The following SEC14L2 variants were observed in gnomAD, a reference collection of about 807,000 sequenced individuals.
SEC14L2 encodes SEC14-like protein 2.
In SEC14L2, 50 loss-of-function variants were observed where a neutral mutation model predicts 56.9. The ratio of observed to expected loss-of-function variants is 0.88; its 90% confidence interval spans 0.70 to 1.11. The LOEUF is 1.11. Among genes scored for constraint, SEC14L2 ranks in the 50% most tolerant of loss-of-function variants. The pLI is 0.00. For missense variants in SEC14L2, 414 were observed against 500.7 expected (o/e 0.83, Z 1.65); for synonymous variants, 179 against 188.5 (o/e 0.95, Z 0.41).
intron 8 of SEC14L2, 151 bp downstream of exon 8, chr22:30,410,830 G>C (rs891403779): frequency 6.0e-6 from 4 of 670,408 alleles, no homozygotes; most frequent in Non-Finnish European, 1.1e-5. Flanking sequence ...GGTGGAGCTA[G>C]TGCCTTCTTC....
intron 1 of SEC14L2, 85 bp from the exon 2 acceptor site, chr22:30,399,558 C>T: frequency 1.3e-6 from 1 of 776,786 alleles, no homozygotes; most frequent in South Asian, 2.3e-5. Flanking sequence ...AAGAGGCGTC[C>T]AGCAAAGATC....
intron 11 of SEC14L2, among the ~76,000 whole-genome samples, chr22:30,417,461 C>A (rs776038180): frequency 5.3e-5 from 8 of 152,186 alleles, no homozygotes; most frequent in Non-Finnish European, 8.8e-5. Context: ...TCAATCAGAG[C>A]AAAGGCTTTA....
In SEC14L2 at chr22:30,422,737, A is replaced by G; in HGVS notation, c.*330A>G. 4.5e-6 allele frequency: 1 copy of G among 223,148 alleles called. No individual in the cohort carries two copies. The highest frequency in any genetic ancestry group is 8.9e-6 in the Non-Finnish European group (1 of 111,844). The allele number at this position is 223,148 out of a possible 1,614,324, so 13.8% of individuals were successfully genotyped here. ...GGGTGGCAGCAGGGAAAAAAATTAG[A>G]AAAGGGTGAAAGATTGGGACTTAAC... On this transcript the variant is annotated 3_prime_UTR_variant, in exon 12 of 12. Transcript: ENST00000615189.
chr22:30,407,080 A>G lies in SEC14L2; in HGVS notation c.175-15A>G, dbSNP rs1160972431. 1.2e-6 allele frequency: 2 copies of G among 1,613,268 alleles called. No individual in the cohort carries two copies. Among genetic ancestry groups the G allele is most frequent in the Non-Finnish European group, 1.7e-6 (2 of 1,179,612 alleles). ...CATCCCTCCTTTTAAAAATTTCCCC[A>G]TTGTATCTTTGTAGCATGTGGAGTT... On this transcript the variant is annotated splice_polypyrimidine_tract_variant and intron_variant, in intron 3 of 11. Coordinates refer to ENST00000615189, the MANE Select transcript of SEC14L2 (RefSeq NM_012429.5).
chr22:30,420,907 G>A (rs1934498772), intron 11 of SEC14L2: 1 of 152,164 alleles, frequency 6.6e-6, no homozygotes, highest in South Asian at 2.1e-4. Flanking sequence ...CTGTTCCTCT[G>A]CCAAAGTGTG....
At chr22:30,417,384 A>AT (rs1211884164) in intron 11 of SEC14L2, among the ~76,000 whole-genome samples, 1 of 152,236 alleles carries the variant, frequency 6.6e-6, no homozygotes, top group Non-Finnish European at 1.5e-5. Context: ...CAGAAAAACC[A>AT]TACCTACACT....
intron 2 of SEC14L2, among the ~76,000 whole-genome samples, chr22:30,401,139 T>C (rs150372492): frequency 0.03 from 4,493 of 151,770 alleles, 119 homozygotes; most frequent in South Asian, 0.11. Flanking sequence ...GCCCAGGCAA[T>C]GGGCATGATC....
chr22:30,397,155 G>A lies in SEC14L2; in HGVS notation c.39G>A (p.Lys13=). 1 of 1,544,894 alleles carries A rather than the reference G, an allele frequency of 6.5e-7. No individual in the cohort carries two copies. Among genetic ancestry groups the A allele is most frequent in the South Asian group, 1.2e-5 (1 of 83,382 alleles). Residue 13 remains lysine, a synonymous_variant, in exon 1 of 12, where the codon AAG becomes AAA. Coordinates refer to ENST00000615189, the MANE Select transcript of SEC14L2 (RefSeq NM_012429.5). ...GRVGDLSPRQ[K]EALAKFRENV... ...TCGGCGATCTGAGCCCCAGGCAGAA[G>A]GAGGCATTGGCCAAGGTGAGCTGTA...
At chr22:30,406,839 G>A (rs1182875645) in intron 3 of SEC14L2, among the ~76,000 whole-genome samples, 2 of 152,082 alleles carry the variant, frequency 1.3e-5, no homozygotes. Context: ...TGCAACCTCC[G>A]CCTCCCGGGT....
chr22:30,414,438 G>A (rs545160668), intron 8 of SEC14L2, among the ~76,000 whole-genome samples: 1 of 152,210 alleles, frequency 6.6e-6, no homozygotes, highest in East Asian at 1.9e-4. Flanking sequence ...ACTCGGGCTG[G>A]TCACTGGAGC....
intron 8 of SEC14L2, among the ~76,000 whole-genome samples, chr22:30,412,840 C>CAAAA (rs1316312304): frequency 8.4e-6 from 1 of 119,176 alleles, no homozygotes. Context: ...AAAAAACAAA[C>CAAAA]AAAAAAACAA....
In SEC14L2 at chr22:30,407,493, C is replaced by T. The variant is rs1482494441; in HGVS notation, c.313C>T (p.Pro105Ser). The T allele has an allele frequency of 6.2e-7, 1 of 1,614,124 alleles. No homozygotes were observed. The highest frequency in any genetic ancestry group is 1.1e-5 in the South Asian group (1 of 91,078). ...GCPVWYDIIGPLDAKGLLFSA... is the reference protein window; with the variant it reads ...GCPVWYDIIGSLDAKGLLFSA... Reference sequence around the variant, plus strand: ...CCCAGTCTGGTACGACATAATTGGACCTCTGGATGCCAAGGGTCTGCTGTT... The same window carrying T: ...CCCAGTCTGGTACGACATAATTGGATCTCTGGATGCCAAGGGTCTGCTGTT... The change falls in exon 5 of 12, where the codon CCT (proline) becomes TCT (serine). Residue 105 changes from proline (P) to serine (S), a missense_variant. Transcript: ENST00000615189.
At position 30,424,828 on chromosome 22, in the gene SEC14L2, C is replaced by T. The variant is rs1032933928; in HGVS notation, c.*2421C>T. The T allele has an allele frequency of 1.1e-5, 5 of 456,544 alleles. No individual in the cohort carries two copies. The highest frequency in any genetic ancestry group is 1.8e-5 in the Non-Finnish European group (4 of 226,954). 28.3% of individuals were successfully genotyped at this position (456,544 alleles called of 1,614,324 possible). Reference sequence around the variant, plus strand: ...CTCACCTGGGTGAACTGAGGTCCAGCGGGGGAAGGCTTCCTCCTGTTGTAA... The same window carrying T: ...CTCACCTGGGTGAACTGAGGTCCAGTGGGGGAAGGCTTCCTCCTGTTGTAA... On this transcript the variant is annotated 3_prime_UTR_variant, in exon 12 of 12. Coordinates refer to ENST00000615189, the MANE Select transcript of SEC14L2 (RefSeq NM_012429.5).
chr22:30,407,407 T>A lies in SEC14L2; in HGVS notation c.235-8T>A, dbSNP rs772746669. 7.9e-5 allele frequency: 127 copies of A among 1,611,092 alleles called. No individual in the cohort carries two copies. Among genetic ancestry groups the A allele is most frequent in the Non-Finnish European group, 9.2e-5 (108 of 1,177,690 alleles). On this transcript the variant is annotated splice_region_variant and splice_polypyrimidine_tract_variant and intron_variant, in intron 4 of 11. Coordinates refer to ENST00000615189, the MANE Select transcript of SEC14L2 (RefSeq NM_012429.5). ...CTGACCAGGTGGCTCCTCTGTGTCT[T>A]TGCCCAGGTGATCCAACAGTATCTG...
In SEC14L2 at chr22:30,416,355, C is replaced by CA. The variant is rs1256737843; in HGVS notation, c.1034dup (p.His345GlnfsTer5). Reference sequence around the variant, plus strand: ...GCTGCCCAACCAGAGGTACAACTCCCACCTGGTCCCTGAAGATGGGACCCT... The same window carrying CA: ...GCTGCCCAACCAGAGGTACAACTCCCAACCTGGTCCCTGAAGATGGGACCCT... On this transcript the variant is annotated frameshift_variant, in exon 11 of 12. Transcript: ENST00000615189. LOFTEE classifies it high-confidence loss of function. The CA allele has an allele frequency of 1.2e-6, 2 of 1,614,236 alleles. No homozygotes were observed. The highest frequency in any genetic ancestry group is 1.7e-6 in the Non-Finnish European group (2 of 1,180,040).
chr22:30,418,977 G>A (rs371304800), intron 11 of SEC14L2, among the ~76,000 whole-genome samples: 6 of 152,278 alleles, frequency 3.9e-5, no homozygotes, highest in Non-Finnish European at 4.4e-5. Flanking sequence ...AATTGATTTC[G>A]CTTTTGTTTT....
At chr22:30,415,924 G>A in intron 9 of SEC14L2, 24 bp from the exon 10 acceptor site, 6 of 1,614,134 alleles carry the variant, frequency 3.7e-6, no homozygotes, top group Non-Finnish European at 5.1e-6. Context: ...GCACATTCCA[G>A]TTCACTCCAT....
At chr22:30,401,875 C>T (rs144680865) in intron 2 of SEC14L2, among the ~76,000 whole-genome samples, 5 of 152,240 alleles carry the variant, frequency 3.3e-5, no homozygotes, top group African/African-American at 7.2e-5. Flanking sequence ...TACAGGTACA[C>T]ACCACTGTGA....
intron 11 of SEC14L2, chr22:30,421,485 T>G (rs1255157747): frequency 6.6e-6 from 1 of 152,214 alleles, no homozygotes; most frequent in African/African-American, 2.4e-5. Context: ...TTTTAAAAAA[T>G]ATATCAGTAT....
Sources: gnomAD v4.1 joint callset for allele counts (sites outside exome capture counted in the v4.1 genomes callset) on GRCh38, gnomAD v4.1.1 for gene constraint, MANE v1.5 for transcripts, NCBI Gene and HGNC (gene_info 2026-07-23, HGNC 2026-07-21) for gene names.